Variants in HMCN1 observed in about 807,000 individuals in gnomAD.
HMCN1 encodes the protein hemicentin 1.
HMCN1 carries 321 observed loss-of-function variants against 625.9 expected under a neutral mutation model. The ratio of observed to expected loss-of-function variants is 0.51; its 90% CI spans 0.47 to 0.56. HMCN1 has a LOEUF of 0.56. Ranked by LOEUF, HMCN1 falls within the 20% of genes least tolerant of loss-of-function variation. The pLI, the probability that HMCN1 is intolerant of heterozygous loss-of-function variation, is 0.00. For synonymous variants in HMCN1, 2,425 were observed against 2,417.6 expected (o/e 1.00, Z -0.09); for missense variants, 6,588 against 6,887.3 (o/e 0.96, Z 1.54).
chr1:185,930,160 A>G (rs1264547655), intron 10 of HMCN1, among the ~76,000 whole-genome samples: 1 of 152,180 alleles, frequency 6.6e-6, no homozygotes, highest in Non-Finnish European at 1.5e-5. Context: ...CAGCCAGGCA[A>G]TGGAATAACT....
At chr1:185,899,604 T>G (rs1298661090) in intron 4 of HMCN1, among the ~76,000 whole-genome samples, 1 of 152,078 alleles carries the variant, frequency 6.6e-6, no homozygotes, top group Non-Finnish European at 1.5e-5. Context: ...ATAGAAGGGA[T>G]TTTGGAGAAC....
At chr1:185,895,319 T>A (rs577535165) in intron 4 of HMCN1, among the ~76,000 whole-genome samples, 20 of 152,170 alleles carry the variant, frequency 1.3e-4, no homozygotes, top group Non-Finnish European at 1.9e-4. Flanking sequence ...GGGTTTTGAG[T>A]ATTAGATAAT....
intron 80 of HMCN1, 115 bp from the exon 81 acceptor site, chr1:186,122,836 T>G: frequency 9.1e-7 from 1 of 1,100,642 alleles, no homozygotes; most frequent in Non-Finnish European, 1.3e-6. Context: ...AATGATATGG[T>G]GAAGTCAGGA....
At chr1:186,173,996 G>A (rs967436922) in intron 102 of HMCN1, among the ~76,000 whole-genome samples, 1 of 152,182 alleles carries the variant, frequency 6.6e-6, no homozygotes, top group Non-Finnish European at 1.5e-5. Flanking sequence ...TCCATAGCAG[G>A]AATACAGAAC....
chr1:186,150,452 C>T (rs2102571414), intron 93 of HMCN1, among the ~76,000 whole-genome samples: 1 of 152,164 alleles, frequency 6.6e-6, no homozygotes, highest in Admixed American at 6.5e-5. Context: ...TGTTTTGCAA[C>T]CAGATTACCT....
chr1:186,093,386 G>A, intron 65 of HMCN1, 100 bp from the exon 66 acceptor site: 1 of 1,579,436 alleles, frequency 6.3e-7, no homozygotes, highest in Non-Finnish European at 8.7e-7. Flanking sequence ...TTCCTTTTGG[G>A]CTACAATTTT....
At chr1:186,176,760 T>G (rs1265040717) in intron 103 of HMCN1, 1 of 151,366 alleles carries the variant, frequency 6.6e-6, no homozygotes, top group African/African-American at 2.5e-5. Flanking sequence ...CAGAGAAACA[T>G]AAGGAAACAT....
rs1448680415 is a variant in HMCN1 at position 186,165,156 on chromosome 1, T to C, written c.15302T>C (p.Val5101Ala). Residue 5101 changes from valine (V) to alanine (A), a missense_variant, in exon 98 of 107, where the codon GTT (valine) becomes GCT (alanine). By Grantham distance (64) the Val-to-Ala change is moderately conservative. Around this residue, in one of 3 missense-constraint regions of HMCN1, gnomAD observed 1,954 missense variants for 2,013.1 expected, o/e 0.97. Coordinates refer to ENST00000271588, the MANE Select transcript of HMCN1 (RefSeq NM_031935.3). ...QCPSGFTLDS[V>A]GPFCADEDEC... is the part of the protein sequence containing the mutation. ...CCCTCCGGGTTTACCTTAGACTCAG[T>C]TGGACCTTTTTGTGCTGGTAAGTAC... 8.1e-6 allele frequency: 13 copies of C among 1,613,902 alleles called. No individual in the cohort carries two copies. Among genetic ancestry groups the C allele is most frequent in the Middle Eastern group, 1.6e-4 (1 of 6,082 alleles).
rs748176085 is a variant in HMCN1, at chr1:186,115,300, T to C, written c.11447T>C (p.Ile3816Thr). 18 of 1,613,960 alleles carry C rather than the reference T, an allele frequency of 1.1e-5. No homozygotes were observed. The highest frequency in any genetic ancestry group is 6.6e-5 in the South Asian group (6 of 91,088). The change falls in exon 75 of 107, where the codon ATA becomes ACA. Residue 3816 changes from isoleucine to threonine, a missense_variant. This residue lies in a region of HMCN1 where 4,628 missense variants were observed against 4,853.1 expected (regional missense o/e 0.95). Coordinates refer to ENST00000271588, the MANE Select transcript of HMCN1 (RefSeq NM_031935.3). ...IAPGPTNMTV[I>T]VNVQTTLACE... ...CCGGGTCCTACCAACATGACTGTAA[T>C]AGTAAATGTTCAAACTACTCTGGCT...
At chr1:185,837,675 GA>G (rs1041914441) in intron 1 of HMCN1, among the ~76,000 whole-genome samples, 10 of 151,358 alleles carry the variant, frequency 6.6e-5, no homozygotes, top group African/African-American at 2.4e-4. Flanking sequence ...TCTTCATTAA[GA>G]AAAAAAACTC....
At chr1:185,778,557 C>T (rs1048717303) in intron 1 of HMCN1, among the ~76,000 whole-genome samples, 2 of 144,022 alleles carry the variant, frequency 1.4e-5, no homozygotes, top group African/African-American at 5.1e-5. Context: ...CAAGTGTTCT[C>T]ATTGTTCAAT....
At chr1:185,798,984 C>T (rs1275918788) in intron 1 of HMCN1, among the ~76,000 whole-genome samples, 1 of 152,144 alleles carries the variant, frequency 6.6e-6, no homozygotes, top group Non-Finnish European at 1.5e-5. Context: ...GGTTCCTAAT[C>T]ATATGCATAT....
In HMCN1 at chr1:186,151,746, T is replaced by A. The variant is rs1054789651; in HGVS notation, c.14896+3T>A. The A allele has an allele frequency of 1.2e-6, 2 of 1,613,232 alleles. No homozygotes were observed. The highest frequency in any genetic ancestry group is 2.7e-5 in the African/African-American group (2 of 74,916). On this transcript the variant is annotated splice_donor_region_variant and intron_variant, in intron 95 of 106. Transcript: ENST00000271588. Reference sequence around the variant, plus strand: ...AACTCAAGTGGAATTTGCAACTGGTTAGTGTCAGCTGAATTTAATATTCTA... The same window carrying A: ...AACTCAAGTGGAATTTGCAACTGGTAAGTGTCAGCTGAATTTAATATTCTA...
chr1:186,107,491 G>A (rs1028360349), intron 70 of HMCN1, among the ~76,000 whole-genome samples: 1 of 152,092 alleles, frequency 6.6e-6, no homozygotes, highest in African/African-American at 2.4e-5. Flanking sequence ...ACAAAAATAT[G>A]ATGATAGAAA....
In HMCN1 at chr1:186,078,549, G is replaced by T. The variant is rs566403675; in HGVS notation, c.8599+329G>T. On this transcript the variant is annotated intron_variant, in intron 55 of 106. Transcript: ENST00000271588. Reference sequence around the variant, plus strand: ...AGGTCAACCAGACTTTACCTCTCTCGACTCTGCTTTTCTTTATTAATGTCA... The same window carrying T: ...AGGTCAACCAGACTTTACCTCTCTCTACTCTGCTTTTCTTTATTAATGTCA... Among the ~76,000 whole-genome samples, 9 of 152,294 alleles carry T rather than the reference G, an allele frequency of 5.9e-5. 1 individual carries two copies. In the South Asian group the frequency reaches 1.9e-3, roughly 32 times the overall value.
At chr1:185,911,588 C>A in intron 5 of HMCN1, 86 bp from the exon 6 acceptor site, 1 of 980,282 alleles carries the variant, frequency 1.0e-6, no homozygotes, top group Non-Finnish European at 1.7e-6. Context: ...TTTGATCATG[C>A]TCTTAGTTTT....
At position 185,882,543 on chromosome 1, in the gene HMCN1, A is replaced by G. The variant is rs555728566; in HGVS notation, c.621+16680A>G. Among the ~76,000 whole-genome samples the G allele has an allele frequency of 1.4e-3, 212 of 152,144 alleles. 1 individual carries two copies. Among genetic ancestry groups the G allele is most frequent in the Admixed American group, 2.4e-3 (37 of 15,262 alleles). On this transcript the variant is annotated intron_variant, in intron 4 of 106. Transcript: ENST00000271588. ...TTAAAAAAGTTTGAAAAACATTGAT[A>G]TGGGTAGTTGCCACAAAAAAATGAA...
intron 1 of HMCN1, among the ~76,000 whole-genome samples, chr1:185,785,706 A>G (rs933445396): frequency 6.6e-6 from 1 of 152,180 alleles, no homozygotes; most frequent in Non-Finnish European, 1.5e-5. Context: ...CCAAATAGGA[A>G]ACATTTTTCT....
In HMCN1 at chr1:185,902,552, A is replaced by T. The variant is rs1319420727; in HGVS notation, c.622-6785A>T. Among the ~76,000 whole-genome samples the T allele has an allele frequency of 2.6e-5, 4 of 151,712 alleles. No individual in the cohort carries two copies. The Admixed American group carries it at 2.6e-4, about 10-fold the overall frequency. ...ATATATGTGCAATAGTGTTTTATGTAACTACTATACCTGTATACCTTATTA... is the reference window on the plus strand; with the variant it reads ...ATATATGTGCAATAGTGTTTTATGTTACTACTATACCTGTATACCTTATTA... On this transcript the variant is annotated intron_variant, in intron 4 of 106. Coordinates refer to ENST00000271588, the MANE Select transcript of HMCN1 (RefSeq NM_031935.3).
Sources: allele counts gnomAD v4.1 joint callset (sites outside exome capture counted in the v4.1 genomes callset), GRCh38; gene constraint gnomAD v4.1.1; regional missense constraint gnomAD v4.1.1; transcripts MANE v1.5; gene names NCBI Gene and HGNC (gene_info 2026-07-23, HGNC 2026-07-21).